ITPR1: variants seen among roughly 807,000 people sequenced by gnomAD.
ITPR1 encodes the protein inositol 1,4,5-trisphosphate-gated calcium channel ITPR1.
Under a neutral mutation model 318.4 loss-of-function variants are expected in ITPR1, and 96 were observed. That is an observed-to-expected ratio of 0.30 (90% CI 0.26 to 0.36). ITPR1 has a LOEUF of 0.36. ITPR1 is among the 10% of genes least tolerant of loss of function. The pLI, the probability that ITPR1 is intolerant of heterozygous loss-of-function variation, is 1.00. For synonymous variants in ITPR1, 1,312 were observed against 1,289.9 expected, an observed-to-expected ratio of 1.02 and a Z score of -0.37; for missense variants, 2,440 against 3,460.2, an observed-to-expected ratio of 0.71 and a Z score of 7.40.
chr3:4,823,976 G>C (rs1297427153), intron 60 of ITPR1, among the ~76,000 whole-genome samples: 1 of 152,122 alleles, frequency 6.6e-6, no homozygotes, highest in African/African-American at 2.4e-5. Context: ...TATTTTCGGA[G>C]GTGTGTTTTT....
intron 10 of ITPR1, among the ~76,000 whole-genome samples, chr3:4,647,828 T>C (rs2093496073): frequency 6.6e-6 from 1 of 152,202 alleles, no homozygotes; most frequent in Non-Finnish European, 1.5e-5. Flanking sequence ...AAAAAAATTG[T>C]CTTACCACTC....
chr3:4,768,721 G>A lies in ITPR1; in HGVS notation c.5936G>A (p.Arg1979His). 1 of 1,613,432 alleles carries A rather than the reference G, an allele frequency of 6.2e-7. No individual in the cohort carries two copies. The highest frequency in any genetic ancestry group is 8.5e-7 in the Non-Finnish European group (1 of 1,179,698). ...ATCACCATCATGCAGCCCATCCTCC[G>A]CTTCCTTCAGCTCCTGTGTGAAAAC... The part of the protein sequence containing the change: ...AVITIMQPIL[R>H]FLQLLCENHN... The change falls in exon 46 of 62, where the codon CGC becomes CAC. Residue 1979 changes from arginine to histidine, a missense_variant. Transcript: ENST00000649015.
intron 4 of ITPR1, among the ~76,000 whole-genome samples, chr3:4,561,849 C>CA (rs1164832750): frequency 6.6e-6 from 1 of 152,006 alleles, no homozygotes; most frequent in Non-Finnish European, 1.5e-5. Context: ...TCAAAGGTCA[C>CA]ATTGAGGATT....
intron 60 of ITPR1, among the ~76,000 whole-genome samples, chr3:4,818,555 G>A (rs936881044): frequency 2.6e-5 from 4 of 152,178 alleles, no homozygotes; most frequent in African/African-American, 9.7e-5. Flanking sequence ...ATTTCCTGTC[G>A]CTATGTGAAT....
At chr3:4,787,768 TC>T (rs1237171327) in intron 51 of ITPR1, among the ~76,000 whole-genome samples, 178 bp from the exon 52 acceptor site, 1 of 151,984 alleles carries the variant, frequency 6.6e-6, no homozygotes, top group East Asian at 1.9e-4. Flanking sequence ...AAAATACTCT[TC>T]CAGAGTTACC....
chr3:4,717,659 G>A (rs1214517305), intron 40 of ITPR1, among the ~76,000 whole-genome samples: 1 of 152,156 alleles, frequency 6.6e-6, no homozygotes, highest in African/African-American at 2.4e-5. Flanking sequence ...ATTGTTCACT[G>A]TCTAAAATCT....
At chr3:4,546,950 G>A (rs2085076952) in intron 4 of ITPR1, among the ~76,000 whole-genome samples, 1 of 152,150 alleles carries the variant, frequency 6.6e-6, no homozygotes, top group South Asian at 2.1e-4. Flanking sequence ...GGAGCTGGAG[G>A]ACTTGAGTCC....
chr3:4,754,168 G>A (rs1292312214), intron 44 of ITPR1, among the ~76,000 whole-genome samples: 1 of 151,912 alleles, frequency 6.6e-6, no homozygotes, highest in Non-Finnish European at 1.5e-5. Flanking sequence ...TGTCCCTCAG[G>A]TACACAGAAT....
chr3:4,733,303 A>G (rs1392106526), intron 43 of ITPR1, 83 bp downstream of exon 43: 1 of 1,508,136 alleles, frequency 6.6e-7, no homozygotes, highest in African/African-American at 1.4e-5. Context: ...ACAGGTTGAA[A>G]TGCTCACAAC....
At chr3:4,590,561 TATTA>T (rs966595883) in intron 4 of ITPR1, among the ~76,000 whole-genome samples, 3 of 149,776 alleles carry the variant, frequency 2.0e-5, no homozygotes, top group African/African-American at 4.9e-5. Flanking sequence ...ATTACTATTT[TATTA>T]ATTATAATAA....
intron 44 of ITPR1, chr3:4,751,292 T>TA (rs928194762): frequency 0.014 from 2,039 of 147,738 alleles, 33 homozygotes; most frequent in African/African-American, 0.038. Flanking sequence ...TGCATTTAAT[T>TA]AAAAAAAAAA....
intron 4 of ITPR1, among the ~76,000 whole-genome samples, chr3:4,564,988 A>G (rs57311626): frequency 4.6e-5 from 7 of 152,316 alleles, no homozygotes; most frequent in African/African-American, 1.7e-4. Context: ...CACAAATGAA[A>G]ATACGGACAA....
chr3:4,821,183 G>T (rs1030596922), intron 60 of ITPR1, among the ~76,000 whole-genome samples: 2 of 152,368 alleles, frequency 1.3e-5, no homozygotes, highest in East Asian at 1.9e-4. Context: ...AGGCTGGAGG[G>T]CTCACTGCCC....
chr3:4,606,793 T>C (rs958482293), intron 4 of ITPR1, among the ~76,000 whole-genome samples: 2 of 152,134 alleles, frequency 1.3e-5, no homozygotes, highest in African/African-American at 4.8e-5. Context: ...TTCAGGTTAA[T>C]TTTTTTCCTT....
At chr3:4,616,964 C>A (rs574264706) in intron 4 of ITPR1, among the ~76,000 whole-genome samples, 2 of 151,980 alleles carry the variant, frequency 1.3e-5, no homozygotes, top group South Asian at 4.2e-4. Flanking sequence ...GTCGGTGTGC[C>A]TTCTCATCAC....
intron 26 of ITPR1, 77 bp downstream of exon 26, chr3:4,681,495 T>G (rs2094297320): frequency 1.0e-6 from 1 of 973,810 alleles, no homozygotes; most frequent in Non-Finnish European, 1.6e-6. Context: ...CTTTATTATG[T>G]TAGTAAATAT....
intron 4 of ITPR1, among the ~76,000 whole-genome samples, chr3:4,621,657 G>A (rs922179419): frequency 1.3e-5 from 2 of 152,190 alleles, no homozygotes; most frequent in African/African-American, 4.8e-5. Context: ...CCCATGGCCT[G>A]CACTGCCCTG....
In ITPR1 at chr3:4,836,857, A is replaced by G; in HGVS notation, c.8112A>G (p.Arg2704=). Residue 2704 remains arginine, a synonymous_variant, in exon 61 of 62, where the codon AGA becomes AGG. Coordinates refer to ENST00000649015, the MANE Select transcript of ITPR1 (RefSeq NM_001378452.1). ...CTGAAGGAGAACAGAATGAGCTGAGAAACCTGCAGGAGAAGCTGGAGTCCA... is the reference window on the plus strand; with the variant it reads ...CTGAAGGAGAACAGAATGAGCTGAGGAACCTGCAGGAGAAGCTGGAGTCCA... The part of the protein sequence containing the change: ...SDSEGEQNEL[R]NLQEKLESTM... The G allele has an allele frequency of 6.3e-7, 1 of 1,594,500 alleles. No individual in the cohort carries two copies. Among genetic ancestry groups the G allele is most frequent in the South Asian group, 1.1e-5 (1 of 88,368 alleles).
intron 18 of ITPR1, 49 bp from the exon 19 acceptor site, chr3:4,669,605 T>C: frequency 1.3e-6 from 2 of 1,554,202 alleles, no homozygotes; most frequent in Non-Finnish European, 1.7e-6. Context: ...TCCAGGAGCC[T>C]AACCTCTGCT....
Sources: gnomAD v4.1 joint callset for allele counts (sites outside exome capture counted in the v4.1 genomes callset) on GRCh38, gnomAD v4.1.1 for gene constraint, MANE v1.5 for transcripts, NCBI Gene and HGNC (gene_info 2026-07-23, HGNC 2026-07-21) for gene names.